RPL23: variants seen among roughly 807,000 people sequenced by gnomAD.
The protein encoded by RPL23 is large ribosomal subunit protein uL14.
For missense variants in RPL23, 79 were observed against 178.8 expected, an observed-to-expected ratio of 0.44 and a Z score of 3.18; for synonymous variants, 63 against 65.3, an observed-to-expected ratio of 0.97 and a Z score of 0.17.
At chr17:38,850,522 G>A in intron 3 of RPL23, 47 bp from the exon 4 acceptor site, 1 of 1,320,824 alleles carries the variant, frequency 7.6e-7, no homozygotes, top group East Asian at 2.3e-5. Context: ...TCAAGTCGCA[G>A]TGCCACCACA....
chr17:38,851,891 T>C (rs1034263218), intron 3 of RPL23: 1 of 152,074 alleles, frequency 6.6e-6, no homozygotes, highest in Non-Finnish European at 1.5e-5. Context: ...CATCCCAGGG[T>C]AGAGACAGAT....
rs758540658 is a variant in RPL23, at chr17:38,849,816, A to G, written c.*316T>C. The G allele has an allele frequency of 2.7e-5, 6 of 224,018 alleles. No homozygotes were observed. Among genetic ancestry groups the G allele is most frequent in the Non-Finnish European group, 4.3e-5 (5 of 116,120 alleles). 13.9% of individuals were successfully genotyped at this position (224,018 alleles called of 1,614,324 possible). On this transcript the variant is annotated 3_prime_UTR_variant, in exon 5 of 5. Transcript: ENST00000479035. The stretch of plus-strand genomic sequence containing the variant: ...CACAAAAAAGCAAGGATTGCTTTAA[A>G]AAAAAAATGCCCAGAGTTTCCATTT...
intron 3 of RPL23, chr17:38,851,363 A>G (rs920603256): frequency 6.6e-5 from 10 of 152,234 alleles, no homozygotes; most frequent in Admixed American, 6.5e-5. Flanking sequence ...AAATTCTTCA[A>G]GTAGACCTGG....
At chr17:38,852,844 CAGTT>C (rs763366637) in intron 2 of RPL23, 112 bp from the exon 3 acceptor site, 36 of 1,515,598 alleles carry the variant, frequency 2.4e-5, no homozygotes, top group South Asian at 1.1e-5. Flanking sequence ...ACTGCCCAAG[CAGTT>C]AGTCCGCAAG....
rs1297844432 is a variant in RPL23, at chr17:38,849,197, A to G, written c.*935T>C. 2 of 152,248 alleles carry G rather than the reference A, an allele frequency of 1.3e-5. No individual in the cohort carries two copies. Among genetic ancestry groups the G allele is most frequent in the African/African-American group, 4.8e-5 (2 of 41,462 alleles). 9.4% of individuals were successfully genotyped at this position (152,248 alleles called of 1,614,324 possible). Reference sequence around the variant, plus strand: ...TCTTCCACTATGACAGTAAACCTACATGGCAATTACTGTTGTTTTATAAAT... The same window carrying G: ...TCTTCCACTATGACAGTAAACCTACGTGGCAATTACTGTTGTTTTATAAAT... On this transcript the variant is annotated 3_prime_UTR_variant, in exon 5 of 5. Transcript: ENST00000479035.
chr17:38,851,498 T>C lies in RPL23; in HGVS notation c.227-1023A>G, dbSNP rs2143679414. On this transcript the variant is annotated intron_variant, in intron 3 of 4. Transcript: ENST00000479035. ...CAGAATTGGAAACTCACAACTAGTT[T>C]TAAAACTGAAGTGTTCGGAGCTCTG... is the stretch of plus-strand genomic sequence containing the variant. The C allele has an allele frequency of 1.3e-5, 2 of 152,166 alleles. 1 individual carries two copies. Among genetic ancestry groups the C allele is most frequent in the South Asian group, 4.2e-4 (2 of 4,816 alleles). The allele number at this position is 152,166 out of a possible 1,614,324, so 9.4% of individuals were successfully genotyped here.
intron 3 of RPL23, chr17:38,852,403 C>A (rs1397250382): frequency 1.2e-5 from 7 of 606,558 alleles, no homozygotes; most frequent in Middle Eastern, 9.1e-4. Context: ...AAAACAACAA[C>A]AAAAAAACAA....
chr17:38,850,053 C>G lies in RPL23; in HGVS notation c.*79G>C. The G allele has an allele frequency of 1.8e-6, 2 of 1,081,102 alleles. No homozygotes were observed. Among genetic ancestry groups the G allele is most frequent in the Non-Finnish European group, 2.7e-6 (2 of 747,784 alleles). 67.0% of individuals were successfully genotyped at this position (1,081,102 alleles called of 1,614,324 possible). A position where few individuals can be genotyped will look rare whatever the true frequency, so the allele number is the denominator to read the frequency against. ...GAATCGCTTGAACCCTGGAAGTGAACAGGGAGACAAGCACTGCAAACAAAT... is the reference window on the plus strand; with the variant it reads ...GAATCGCTTGAACCCTGGAAGTGAAGAGGGAGACAAGCACTGCAAACAAAT... On this transcript the variant is annotated 3_prime_UTR_variant, in exon 5 of 5. Coordinates refer to ENST00000479035, the MANE Select transcript of RPL23 (RefSeq NM_000978.4).
rs770050982 is a variant in RPL23 at position 38,850,218 on chromosome 17, C to A, written c.341-4G>T. ...ACTGGTCCTGTAATGGCAGAACCTG[C>A]ATTAAAAAAATAAAATAAAATAAAA... On this transcript the variant is annotated splice_polypyrimidine_tract_variant and splice_region_variant and intron_variant, in intron 4 of 4. Transcript: ENST00000479035. 13 of 1,587,866 alleles carry A rather than the reference C, an allele frequency of 8.2e-6. No homozygotes were observed. The African/African-American group carries it at 1.5e-4, about 18-fold the overall frequency.
In RPL23 at chr17:38,848,198, C is replaced by CATCCCTGAGTATGG; in HGVS notation, c.*1933_*1934insCCATACTCAGGGAT. 2 of 938,982 alleles carry CATCCCTGAGTATGG rather than the reference C, an allele frequency of 2.1e-6. No individual in the cohort carries two copies. Among genetic ancestry groups the CATCCCTGAGTATGG allele is most frequent in the Non-Finnish European group, 2.9e-6 (2 of 697,918 alleles). The allele number at this position is 938,982 out of a possible 1,614,324, so 58.2% of individuals were successfully genotyped here. A position where few individuals can be genotyped will look rare whatever the true frequency, so the allele number is the denominator to read the frequency against. On this transcript the variant is annotated 3_prime_UTR_variant, in exon 5 of 5. Transcript: ENST00000479035. ...TAAAGCTGACTTGAAATTGACCATA[C>CATCCCTGAGTATGG]TCAGGGATGTTATGGTGTAACTCTC...
In RPL23 at chr17:38,849,989, G is replaced by C; in HGVS notation, c.*143C>G. The C allele has an allele frequency of 1.7e-6, 1 of 591,262 alleles. No individual in the cohort carries two copies. Among genetic ancestry groups the C allele is most frequent in the Middle Eastern group, 4.6e-4 (1 of 2,184 alleles). The allele number at this position is 591,262 out of a possible 1,614,324, so 36.6% of individuals were successfully genotyped here. A position where few individuals can be genotyped will look rare whatever the true frequency, so the allele number is the denominator to read the frequency against. ...AAAAACTAGCCAGGCATGACGGCAG[G>C]TGCCTGTAATCCCAGCTACTTAGGA... On this transcript the variant is annotated 3_prime_UTR_variant, in exon 5 of 5. Transcript: ENST00000479035.
At chr17:38,851,111 T>A (rs1377979895) in intron 3 of RPL23, 2 of 152,256 alleles carry the variant, frequency 1.3e-5, no homozygotes, top group Non-Finnish European at 2.9e-5. Context: ...TTTTCCCAAC[T>A]TTCAAAATGA....
rs897445035 is a variant in RPL23, at chr17:38,848,019, G to A, written c.*2113C>T. ...CAGTTCAAAGTTACAGTGAGCTTCAGTGGTGTTACTGCACTCCAGCCTGTG... is the reference window on the plus strand; with the variant it reads ...CAGTTCAAAGTTACAGTGAGCTTCAATGGTGTTACTGCACTCCAGCCTGTG... On this transcript the variant is annotated 3_prime_UTR_variant, in exon 5 of 5. Transcript: ENST00000479035. The A allele has an allele frequency of 3.9e-6, 6 of 1,550,046 alleles. No individual in the cohort carries two copies. Among genetic ancestry groups the A allele is most frequent in the Non-Finnish European group, 5.2e-6 (6 of 1,146,818 alleles).
chr17:38,853,309 ACT>A, intron 1 of RPL23: 1 of 654,906 alleles, frequency 1.5e-6, no homozygotes. Flanking sequence ...TACTATTAAC[ACT>A]CTGACATCGA....
intron 2 of RPL23, 121 bp from the exon 3 acceptor site, chr17:38,852,853 C>T: frequency 6.9e-7 from 1 of 1,456,862 alleles, no homozygotes; most frequent in Non-Finnish European, 9.6e-7. Flanking sequence ...GCAGTTAGTC[C>T]GCAAGAACGC....
In RPL23 at chr17:38,848,193, C is replaced by T; in HGVS notation, c.*1939G>A. On this transcript the variant is annotated 3_prime_UTR_variant, in exon 5 of 5. Coordinates refer to ENST00000479035, the MANE Select transcript of RPL23 (RefSeq NM_000978.4). ...CACACTAAAGCTGACTTGAAATTGA[C>T]CATACTCAGGGATGTTATGGTGTAA... 4 of 1,006,636 alleles carry T rather than the reference C, an allele frequency of 4.0e-6. No individual in the cohort carries two copies. Among genetic ancestry groups the T allele is most frequent in the Non-Finnish European group, 4.0e-6 (3 of 758,100 alleles). The allele number at this position is 1,006,636 out of a possible 1,614,324, so 62.4% of individuals were successfully genotyped here.
chr17:38,853,570 G>T, intron 1 of RPL23, 128 bp downstream of exon 1: 1 of 1,152,054 alleles, frequency 8.7e-7, no homozygotes, highest in Non-Finnish European at 1.3e-6. Context: ...CTCTCGCGGT[G>T]GCCTGGCTCT....
chr17:38,850,633 T>TGGACTAC, intron 3 of RPL23, 158 bp from the exon 4 acceptor site: 1 of 599,646 alleles, frequency 1.7e-6, no homozygotes, highest in East Asian at 2.8e-5. Context: ...GCCTCTCTAG[T>TGGACTAC]ATCTTGGACT....
At position 38,853,704 on chromosome 17, in the gene RPL23, T is replaced by C; in HGVS notation, c.7A>G (p.Lys3Glu). Residue 3 changes from lysine (K) to glutamate (E), a missense_variant, in exon 1 of 5, where the codon AAG becomes GAG. By Grantham distance (56) the Lys-to-Glu change is moderately conservative. Transcript: ENST00000479035. MSKRGRGGSSGAK... is the reference protein window; with the variant it reads MSERGRGGSSGAK... The stretch of plus-strand genomic sequence containing the variant: ...TCCAGAAACAAAACCTCACCTCGCT[T>C]CGACATCTTGAACGCCGGAAAAAAG... 6.2e-7 allele frequency: 1 copy of C among 1,614,158 alleles called. No individual in the cohort carries two copies. Among genetic ancestry groups the C allele is most frequent in the Non-Finnish European group, 8.5e-7 (1 of 1,180,040 alleles).
Sources: allele counts gnomAD v4.1 joint callset, GRCh38; gene constraint gnomAD v4.1.1; transcripts MANE v1.5; gene names NCBI Gene and HGNC (gene_info 2026-07-23, HGNC 2026-07-21).